Variants in ANO6 observed in about 807,000 individuals in gnomAD.
ANO6 encodes anoctamin-6.
In ANO6, 106 loss-of-function variants were observed where a neutral mutation model predicts 117.5. The observed-to-expected ratio is 0.90, with a 90% CI of 0.77 to 1.06. The LOEUF (loss-of-function observed/expected upper bound fraction) is 1.06, where lower values mean the gene tolerates loss of function less well. ANO6 is among the 50% of genes least tolerant of loss of function. The pLI is 0.00. For synonymous variants in ANO6, 367 were observed against 385.1 expected, an observed-to-expected ratio of 0.95 and a Z score of 0.55; for missense variants, 955 against 1,121.1, an observed-to-expected ratio of 0.85 and a Z score of 2.12.
At chr12:45,316,934 A>G (rs1460332563) in intron 2 of ANO6, among the ~76,000 whole-genome samples, 1 of 150,024 alleles carries the variant, frequency 6.7e-6, no homozygotes, top group Non-Finnish European at 1.5e-5. Flanking sequence ...GATATCTACT[A>G]TATTAGAACT....
intron 1 of ANO6, among the ~76,000 whole-genome samples, chr12:45,262,407 A>C (rs1388911754): frequency 6.6e-6 from 1 of 151,156 alleles, no homozygotes; most frequent in Non-Finnish European, 1.5e-5. Context: ...CACCACCACT[A>C]TCCATTTCCA....
At chr12:45,330,145 A>G (rs980122793) in intron 2 of ANO6, among the ~76,000 whole-genome samples, 2 of 152,116 alleles carry the variant, frequency 1.3e-5, no homozygotes, top group Non-Finnish European at 2.9e-5. Flanking sequence ...TCTGCTGGTG[A>G]AAAAACCTGC....
At chr12:45,402,084 CTG>C (rs1434922494) in intron 13 of ANO6, 64 bp downstream of exon 13, 2 of 1,407,892 alleles carry the variant, frequency 1.4e-6, no homozygotes, top group East Asian at 4.6e-5. Context: ...AAAATAGAGA[CTG>C]TTATCTTTTA....
chr12:45,266,814 G>A (rs572278953), intron 1 of ANO6, among the ~76,000 whole-genome samples: 39 of 145,276 alleles, frequency 2.7e-4, no homozygotes, highest in African/African-American at 9.4e-4. Context: ...AAGTGTGTGT[G>A]TGTGTGTGTG....
rs1285341030 is a variant in ANO6, at chr12:45,357,311, T to G, written c.885T>G (p.Ile295Met). The G allele has an allele frequency of 6.2e-7, 1 of 1,613,846 alleles. No homozygotes were observed. Among genetic ancestry groups the G allele is most frequent in the African/African-American group, 1.3e-5 (1 of 74,940 alleles). ...DLIRKYYGEK[I>M]GIYFAWLGYY... Reference sequence around the variant, plus strand: ...TCAGGAAATACTATGGAGAGAAGATTGGAATCTACTTTGCTTGGCTGGGCT... The same window carrying G: ...TCAGGAAATACTATGGAGAGAAGATGGGAATCTACTTTGCTTGGCTGGGCT... The change falls in exon 8 of 20, where the codon ATT becomes ATG. Residue 295 changes from isoleucine to methionine, a missense_variant. Transcript: ENST00000320560.
rs1250559291 is a variant in ANO6 at position 45,390,480 on chromosome 12, C to T, written c.1368C>T (p.Ala456=). 1 of 1,613,674 alleles carries T rather than the reference C, an allele frequency of 6.2e-7. No homozygotes were observed. The highest frequency in any genetic ancestry group is 2.2e-5 in the East Asian group (1 of 44,860). ...WGKCIRITLC[A]SAVFFWILLI... ...AATGTATACGGATAACCCTCTGTGCCAGTGCTGTCTTTTTCTGGGTAATTC... is the reference window on the plus strand; with the variant it reads ...AATGTATACGGATAACCCTCTGTGCTAGTGCTGTCTTTTTCTGGGTAATTC... The change falls in exon 12 of 20, where the codon GCC becomes GCT. Residue 456 remains alanine (A), a synonymous_variant. Coordinates refer to ENST00000320560, the MANE Select transcript of ANO6 (RefSeq NM_001025356.3).
intron 15 of ANO6, among the ~76,000 whole-genome samples, chr12:45,407,225 G>A (rs1237418343): frequency 6.6e-6 from 1 of 152,168 alleles, no homozygotes; most frequent in East Asian, 1.9e-4. Flanking sequence ...GACCTGATAT[G>A]AGACGGAAGC....
At chr12:45,242,458 T>A (rs1947760297) in intron 1 of ANO6, among the ~76,000 whole-genome samples, 1 of 152,152 alleles carries the variant, frequency 6.6e-6, no homozygotes, top group African/African-American at 2.4e-5. Flanking sequence ...GAGTGTCCAG[T>A]TTTTCCAGGT....
At chr12:45,365,198 T>A (rs1007056420) in intron 8 of ANO6, among the ~76,000 whole-genome samples, 25 of 152,214 alleles carry the variant, frequency 1.6e-4, no homozygotes, top group African/African-American at 5.8e-4. Context: ...TTTCAGCTCT[T>A]CCTTAGCTTT....
chr12:45,341,823 T>C (rs1308792606), intron 3 of ANO6, among the ~76,000 whole-genome samples: 1 of 152,120 alleles, frequency 6.6e-6, no homozygotes, highest in Non-Finnish European at 1.5e-5. Flanking sequence ...GAGATGAGCC[T>C]CTAAGCCCTG....
intron 7 of ANO6, among the ~76,000 whole-genome samples, chr12:45,354,635 T>C (rs971969059): frequency 1.3e-5 from 2 of 152,164 alleles, no homozygotes; most frequent in African/African-American, 4.8e-5. Context: ...TTGAGCCTAC[T>C]GAGAAAGTTA....
intron 19 of ANO6, among the ~76,000 whole-genome samples, chr12:45,437,934 T>TA (rs1943726330): frequency 6.6e-6 from 1 of 152,178 alleles, no homozygotes; most frequent in Admixed American, 6.5e-5. Context: ...GGACCAGAGC[T>TA]AATCATAGCA....
At chr12:45,401,065 G>A (rs1263826029) in intron 12 of ANO6, among the ~76,000 whole-genome samples, 1 of 152,202 alleles carries the variant, frequency 6.6e-6, no homozygotes, top group Non-Finnish European at 1.5e-5. Context: ...GACTAGTGGC[G>A]TGAATCTTGT....
At chr12:45,217,129 C>CA (rs531916128) in intron 1 of ANO6, among the ~76,000 whole-genome samples, 25 of 148,992 alleles carry the variant, frequency 1.7e-4, no homozygotes, top group African/African-American at 4.4e-4. Flanking sequence ...GTTTTAAGAG[C>CA]AAAAAAAGAA....
intron 2 of ANO6, among the ~76,000 whole-genome samples, chr12:45,314,805 C>T (rs1050810646): frequency 5.3e-5 from 8 of 152,038 alleles, no homozygotes; most frequent in African/African-American, 1.9e-4. Context: ...CTACAAAATA[C>T]CTTTACAGCA....
At position 45,401,812 on chromosome 12, in the gene ANO6, T is replaced by C; in HGVS notation, c.1404T>C (p.Ala468=). The change falls in exon 13 of 20, where the codon GCT becomes GCC. Residue 468 remains alanine, a synonymous_variant. Coordinates refer to ENST00000320560, the MANE Select transcript of ANO6 (RefSeq NM_001025356.3). ...AVFFWILLII[A]SVIGIIVYRL... ...GCTTTCAGATCCTATTGATCATCGC[T>C]TCAGTTATTGGGATCATTGTCTATA... 1.2e-6 allele frequency: 2 copies of C among 1,613,816 alleles called. No individual in the cohort carries two copies. The highest frequency in any genetic ancestry group is 1.1e-5 in the South Asian group (1 of 91,062).
At chr12:45,417,818 G>A (rs1203680049) in intron 17 of ANO6, among the ~76,000 whole-genome samples, 11 of 152,194 alleles carry the variant, frequency 7.2e-5, no homozygotes, top group Admixed American at 6.5e-4. Flanking sequence ...GAAGTTGGCA[G>A]TGCCTGTAGT....
chr12:45,281,055 C>T (rs188701869), intron 1 of ANO6, among the ~76,000 whole-genome samples: 8 of 152,080 alleles, frequency 5.3e-5, no homozygotes, highest in Admixed American at 2.6e-4. Context: ...TTTCCATCAA[C>T]GTGTGTATGT....
At chr12:45,277,925 C>T (rs540010855) in intron 1 of ANO6, among the ~76,000 whole-genome samples, 1 of 152,154 alleles carries the variant, frequency 6.6e-6, no homozygotes, top group Admixed American at 6.5e-5. Flanking sequence ...GCAAGCCCCA[C>T]CCAATTCATT....
Sources: gnomAD v4.1 joint callset for allele counts (sites outside exome capture counted in the v4.1 genomes callset) on GRCh38, gnomAD v4.1.1 for gene constraint, MANE v1.5 for transcripts, NCBI Gene and HGNC (gene_info 2026-07-23, HGNC 2026-07-21) for gene names.